Variants in PTPMT1 observed in about 807,000 individuals in gnomAD.
The protein encoded by PTPMT1 is protein tyrosine phosphatase mitochondrial 1.
A neutral mutation model predicts 17.8 loss-of-function variants in PTPMT1; 12 were observed. That is an observed-to-expected ratio of 0.67 (90% CI 0.43 to 1.09). PTPMT1 has a LOEUF of 1.09. Among genes scored for constraint, PTPMT1 ranks in the 50% least tolerant of loss-of-function variants. The pLI is 0.00. For synonymous variants in PTPMT1, 132 were observed against 116.8 expected, an observed-to-expected ratio of 1.13 and a Z score of -0.84; for missense variants, 262 against 266.0, an observed-to-expected ratio of 0.99 and a Z score of 0.10.
At chr11:47,567,203 A>G (rs1339266310) in intron 2 of PTPMT1, among the ~76,000 whole-genome samples, 1 of 151,990 alleles carries the variant, frequency 6.6e-6, no homozygotes, top group East Asian at 1.9e-4. Context: ...GGAGTTTGAG[A>G]TCAGCCTGGC....
At chr11:47,566,236 G>T (rs747909192) in intron 2 of PTPMT1, among the ~76,000 whole-genome samples, 13 of 152,192 alleles carry the variant, frequency 8.5e-5, no homozygotes, top group Non-Finnish European at 1.5e-4. Context: ...AGCACTTTGG[G>T]AGGCGGGAGG....
chr11:47,566,549 T>C lies in PTPMT1; in HGVS notation c.255+563T>C, dbSNP rs1366255321. 5.4e-5 allele frequency among the ~76,000 whole-genome samples: 8 copies of C among 147,700 alleles called. No individual in the cohort carries two copies. The East Asian group carries it at 5.9e-4, about 11-fold the overall frequency. On this transcript the variant is annotated intron_variant, in intron 2 of 3. Coordinates refer to ENST00000326674, the MANE Select transcript of PTPMT1 (RefSeq NM_175732.3). ...GCCTGATTTCTCCTTTGTGAACAAATGTAATGTATTCTTATTTCGGTAACC... is the reference window on the plus strand; with the variant it reads ...GCCTGATTTCTCCTTTGTGAACAAACGTAATGTATTCTTATTTCGGTAACC...
chr11:47,570,793 G>C (rs1229554851), intron 3 of PTPMT1, among the ~76,000 whole-genome samples: 2 of 152,074 alleles, frequency 1.3e-5, no homozygotes, highest in Non-Finnish European at 2.9e-5. Context: ...AAAATGTCTG[G>C]CTCCCACAGA....
Position 47,571,816 on chromosome 11 carries a change from A to G in PTPMT1, c.*187A>G. ...AACACTGTTGTGTGGCTAGAAAGGA[A>G]AAGATTTAGTGTGGCTTGTATTCAT... On this transcript the variant is annotated 3_prime_UTR_variant, in exon 4 of 4. Transcript: ENST00000326674. 1 of 591,694 alleles carries G rather than the reference A, an allele frequency of 1.7e-6. No individual in the cohort carries two copies. Among genetic ancestry groups the G allele is most frequent in the Non-Finnish European group, 3.0e-6 (1 of 336,246 alleles). 36.7% of individuals were successfully genotyped at this position (591,694 alleles called of 1,614,324 possible).
intron 3 of PTPMT1, 23 bp from the exon 4 acceptor site, chr11:47,571,448 G>T (rs780374839): frequency 6.2e-6 from 10 of 1,610,248 alleles, no homozygotes; most frequent in East Asian, 2.2e-5. Context: ...TTTCTCTGCT[G>T]ATTTCCCAAC....
chr11:47,572,916 C>G lies in PTPMT1; in HGVS notation c.*1287C>G. The G allele has an allele frequency of 1.2e-6, 2 of 1,601,710 alleles. No homozygotes were observed. On this transcript the variant is annotated 3_prime_UTR_variant, in exon 4 of 4. Transcript: ENST00000326674. ...GGAAAAGGAGTGAGCAGTTCTCCTC[C>G]CCTCCCCACAGCCTTAGGCCAACAC... is the stretch of plus-strand genomic sequence containing the variant.
chr11:47,567,059 G>A (rs111308904), intron 2 of PTPMT1, among the ~76,000 whole-genome samples: 3 of 152,210 alleles, frequency 2.0e-5, no homozygotes, highest in African/African-American at 7.2e-5. Flanking sequence ...ATAGCATGAT[G>A]AAGATACTAT....
Position 47,569,851 on chromosome 11 carries a change from G to A in PTPMT1, c.407G>A (p.Arg136His), listed in dbSNP as rs746228406. The change falls in exon 3 of 4, where the codon CGC (arginine) becomes CAC (histidine). Residue 136 changes from arginine (R) to histidine (H), a missense_variant. Physicochemically the swap from Arg to His is conservative, Grantham distance 29 (BLOSUM62 0). Transcript: ENST00000326674. ...GTTTACGTGCATTGTAAGGCTGGGC[G>A]CTCCAGGAGTGCCACTATGGTGGCA... ...QCVYVHCKAG[R>H]SRSATMVAAY... is the part of the protein sequence containing the mutation. 56 of 1,613,620 alleles carry A rather than the reference G, an allele frequency of 3.5e-5. No homozygotes were observed. Among genetic ancestry groups the A allele is most frequent in the East Asian group, 8.9e-5 (4 of 44,880 alleles).
rs2097251468 is a variant in PTPMT1, at chr11:47,572,776, A to C, written c.*1147A>C. Reference sequence around the variant, plus strand: ...GAGCAGCAGCAGTCTAAAAAGCCCCAAACAGAACACCTCCATGGATTCAGG... The same window carrying C: ...GAGCAGCAGCAGTCTAAAAAGCCCCCAACAGAACACCTCCATGGATTCAGG... On this transcript the variant is annotated 3_prime_UTR_variant, in exon 4 of 4. Transcript: ENST00000326674. The C allele has an allele frequency of 1.2e-6, 1 of 807,088 alleles. No individual in the cohort carries two copies. The highest frequency in any genetic ancestry group is 1.9e-5 in the South Asian group (1 of 53,094). 50.0% of individuals were successfully genotyped at this position (807,088 alleles called of 1,614,324 possible). A position where few individuals can be genotyped will look rare whatever the true frequency, so the allele number is the denominator to read the frequency against.
At chr11:47,568,210 A>G (rs1174450957) in intron 2 of PTPMT1, among the ~76,000 whole-genome samples, 1 of 151,888 alleles carries the variant, frequency 6.6e-6, no homozygotes, top group Non-Finnish European at 1.5e-5. Flanking sequence ...ATGAGCCACC[A>G]TGCCCGGCCC....
In PTPMT1 at chr11:47,565,933, G is replaced by T; in HGVS notation, c.202G>T (p.Val68Leu). Residue 68 changes from valine to leucine, a missense_variant, in exon 2 of 4, where the codon GTG (valine) becomes TTG (leucine). Coordinates refer to ENST00000326674, the MANE Select transcript of PTPMT1 (RefSeq NM_175732.3). ...QLVQDENVRG[V>L]ITMNEEYETR... ...GGTACAGGACGAGAACGTGCGCGGGGTGATCACCATGAACGAGGAGTACGA... is the reference window on the plus strand; with the variant it reads ...GGTACAGGACGAGAACGTGCGCGGGTTGATCACCATGAACGAGGAGTACGA... 1 of 1,610,784 alleles carries T rather than the reference G, an allele frequency of 6.2e-7. No homozygotes were observed. The highest frequency in any genetic ancestry group is 2.2e-5 in the East Asian group (1 of 44,620).
intron 2 of PTPMT1, among the ~76,000 whole-genome samples, chr11:47,567,559 CTT>C (rs370022255): frequency 7.7e-5 from 9 of 116,168 alleles, no homozygotes; most frequent in Admixed American, 2.0e-4. Context: ...TATTTCTTTT[CTT>C]TTTTTTTTTT....
Position 47,572,866 on chromosome 11 carries a change from G to A in PTPMT1, c.*1237G>A, listed in dbSNP as rs1426773316. ...AAACATAACTCTGAATTGGGGCCCAGGGGACTTTGAGTTTGTATGGGGAGG... is the reference window on the plus strand; with the variant it reads ...AAACATAACTCTGAATTGGGGCCCAAGGGACTTTGAGTTTGTATGGGGAGG... On this transcript the variant is annotated 3_prime_UTR_variant, in exon 4 of 4. Transcript: ENST00000326674. 1.3e-6 allele frequency: 2 copies of A among 1,533,232 alleles called. No homozygotes were observed. The highest frequency in any genetic ancestry group is 2.3e-5 in the East Asian group (1 of 44,258). 95.0% of individuals were successfully genotyped at this position (1,533,232 alleles called of 1,614,324 possible).
chr11:47,566,309 C>G (rs575530490), intron 2 of PTPMT1, among the ~76,000 whole-genome samples: 1 of 152,002 alleles, frequency 6.6e-6, no homozygotes, highest in Non-Finnish European at 1.5e-5. Flanking sequence ...ATGGCGAGGC[C>G]CCCGTCCCTA....
chr11:47,566,023 G>C (rs1251948666), intron 2 of PTPMT1, 37 bp downstream of exon 2: 5 of 1,371,458 alleles, frequency 3.6e-6, no homozygotes, highest in Non-Finnish European at 4.7e-6. Flanking sequence ...TCGGGGGCCC[G>C]CTCCCCCTCG....
intron 2 of PTPMT1, among the ~76,000 whole-genome samples, chr11:47,568,765 C>T (rs1265356055): frequency 1.3e-5 from 2 of 152,072 alleles, no homozygotes; most frequent in African/African-American, 4.8e-5. Context: ...GATCTCTGCT[C>T]ACTGCAACCT....
At chr11:47,567,779 C>G (rs919235628) in intron 2 of PTPMT1, among the ~76,000 whole-genome samples, 1 of 151,626 alleles carries the variant, frequency 6.6e-6, no homozygotes, top group African/African-American at 2.4e-5. Flanking sequence ...AAAGTCGTCT[C>G]GAACTCCTGA....
intron 3 of PTPMT1, among the ~76,000 whole-genome samples, chr11:47,570,850 G>T (rs2097249232): frequency 6.6e-6 from 1 of 152,170 alleles, no homozygotes; most frequent in Admixed American, 6.5e-5. Context: ...TTGTGTTACT[G>T]TGGACTAGTG....
Position 47,572,877 on chromosome 11 carries a change from G to A in PTPMT1, c.*1248G>A, listed in dbSNP as rs2097251756. 7 of 1,559,832 alleles carry A rather than the reference G, an allele frequency of 4.5e-6. No homozygotes were observed. The highest frequency in any genetic ancestry group is 6.1e-6 in the Non-Finnish European group (7 of 1,151,796). On this transcript the variant is annotated 3_prime_UTR_variant, in exon 4 of 4. Transcript: ENST00000326674. ...TGAATTGGGGCCCAGGGGACTTTGA[G>A]TTTGTATGGGGAGGGAAAAGGAGTG...
Sources: gnomAD v4.1 joint callset for allele counts (sites outside exome capture counted in the v4.1 genomes callset) on GRCh38, gnomAD v4.1.1 for gene constraint, MANE v1.5 for transcripts, NCBI Gene and HGNC (gene_info 2026-07-23, HGNC 2026-07-21) for gene names.